Variants in CCDC66 observed in about 807,000 individuals in gnomAD.
CCDC66 encodes the protein coiled-coil domain containing 66.
A neutral mutation model predicts 128.3 loss-of-function variants in CCDC66; 133 were observed. That is an observed-to-expected ratio of 1.04 (90% CI 0.90 to 1.20). The LOEUF (loss-of-function observed/expected upper bound fraction) is 1.20, where lower values mean the gene tolerates loss of function less well. CCDC66 is among the 50% of genes most tolerant of loss of function. CCDC66 has a pLI of 0.00. For synonymous variants in CCDC66, 387 were observed against 357.0 expected (o/e 1.08, Z -0.95); for missense variants, 1,126 against 1,075.5 (o/e 1.05, Z -0.66).
In CCDC66 at chr3:56,615,299, A is replaced by T. The variant is rs1316974221; in HGVS notation, c.1711+27A>T. The T allele has an allele frequency of 2.6e-6, 4 of 1,555,070 alleles. No homozygotes were observed. In the African/African-American group the frequency reaches 5.5e-5, roughly 21 times the overall value. ...TAAGGGCCTAACCAGAACTTTATTT[A>T]TAATATTTTTAGAAGATGATTTTAA... On this transcript the variant is annotated intron_variant, in intron 12 of 17. Transcript: ENST00000394672.
intron 10 of CCDC66, among the ~76,000 whole-genome samples, chr3:56,604,809 T>G (rs1333930365): frequency 2.0e-5 from 3 of 152,072 alleles, no homozygotes; most frequent in African/African-American, 4.8e-5. Flanking sequence ...AATTTGAATG[T>G]TGGCCTGTCT....
intron 7 of CCDC66, among the ~76,000 whole-genome samples, chr3:56,574,453 G>A (rs955551129): frequency 1.3e-5 from 2 of 151,548 alleles, no homozygotes; most frequent in Non-Finnish European, 2.9e-5. Context: ...AATTTGCTGT[G>A]TAACAAAAAA....
intron 10 of CCDC66, among the ~76,000 whole-genome samples, chr3:56,602,979 C>A (rs1010569871): frequency 2.0e-4 from 31 of 151,514 alleles, no homozygotes; most frequent in Non-Finnish European, 3.8e-4. Context: ...GGACTACAGG[C>A]GCCCACCATC....
rs1160065594 is a variant in CCDC66, at chr3:56,619,420, C to T, written c.2528C>T (p.Ser843Leu). The change falls in exon 16 of 18, where the codon TCA (serine) becomes TTA (leucine). Residue 843 changes from serine to leucine, a missense_variant. Ser to Leu is a moderately radical substitution (Grantham distance 145, BLOSUM62 -2). Transcript: ENST00000394672. ...GAATTATCATCTGGGATTTCTGAAT[C>T]ATCCCATTTTATTCCGTATGTTCGA... ...QTELSSGISESSHFIPYVRTN... is the reference protein window; with the variant it reads ...QTELSSGISELSHFIPYVRTN... The T allele has an allele frequency of 1.2e-6, 2 of 1,613,796 alleles. No individual in the cohort carries two copies. Among genetic ancestry groups the T allele is most frequent in the East Asian group, 4.5e-5 (2 of 44,874 alleles).
chr3:56,566,058 G>C (rs530252040), intron 4 of CCDC66, among the ~76,000 whole-genome samples: 3 of 152,104 alleles, frequency 2.0e-5, no homozygotes, highest in African/African-American at 4.8e-5. Flanking sequence ...ATAAGAAATT[G>C]TATGGCTATG....
chr3:56,569,417 C>A, intron 6 of CCDC66: 1 of 252,644 alleles, frequency 4.0e-6, no homozygotes, highest in Non-Finnish European at 8.5e-6. Context: ...AGGCATTTTA[C>A]ATGGCAAGAG....
At chr3:56,615,800 G>A (rs920290795) in intron 12 of CCDC66, 122 bp from the exon 13 acceptor site, 2 of 763,806 alleles carry the variant, frequency 2.6e-6, no homozygotes, top group Non-Finnish European at 3.8e-6. Context: ...CTTTTTGTAA[G>A]AAAATTTTTA....
chr3:56,597,777 G>GTTTTTTTT lies in CCDC66; in HGVS notation c.1404+3757_1404+3764dup, dbSNP rs3064563. 4.8e-4 allele frequency among the ~76,000 whole-genome samples: 42 copies of GTTTTTTTT among 87,946 alleles called. 4 individuals carry two copies. The highest frequency in any genetic ancestry group is 8.6e-4 in the East Asian group (2 of 2,330). 57.7% of individuals were successfully genotyped at this position (87,946 alleles called of 152,430 possible). A position where few individuals can be genotyped will look rare whatever the true frequency, so the allele number is the denominator to read the frequency against. On this transcript the variant is annotated intron_variant, in intron 10 of 17. Transcript: ENST00000394672. ...TGTGGAGTCTAGGTTTTGTTTTGGG[G>GTTTTTTTT]TTTTTTTTTTTTTTTGAGACAGAGC...
chr3:56,592,955 A>G lies in CCDC66; in HGVS notation c.937-15A>G, dbSNP rs1249930663. The G allele has an allele frequency of 8.1e-6, 13 of 1,600,538 alleles. No homozygotes were observed. Among genetic ancestry groups the G allele is most frequent in the East Asian group, 2.2e-5 (1 of 44,562 alleles). On this transcript the variant is annotated splice_polypyrimidine_tract_variant and intron_variant, in intron 7 of 17. Coordinates refer to ENST00000394672, the MANE Select transcript of CCDC66 (RefSeq NM_001141947.3). Reference sequence around the variant, plus strand: ...GAGAACTGAACTTTAGATGGCTTTTATGGCTGTTGTTTAGGAAACAGTACT... The same window carrying G: ...GAGAACTGAACTTTAGATGGCTTTTGTGGCTGTTGTTTAGGAAACAGTACT...
Position 56,564,056 on chromosome 3 carries a change from C to T in CCDC66, c.475C>T (p.Gln159Ter), listed in dbSNP as rs773726330. The change falls in exon 4 of 18, where the codon CAG (glutamine) becomes TAG (stop). Residue 159 changes from glutamine to a stop codon, truncating the protein, a stop_gained. Transcript: ENST00000394672. LOFTEE classifies it high-confidence loss of function. ...LVCLTQDQLQ[Q>*]ILMTVNQGNR... ...GTGTCTAACACAAGACCAACTACAA[C>T]AGATTTTGATGACTGTAAACCAAGG... The T allele has an allele frequency of 1.5e-5, 24 of 1,613,850 alleles. No individual in the cohort carries two copies. The highest frequency in any genetic ancestry group is 7.6e-6 in the Non-Finnish European group (9 of 1,179,944).
At chr3:56,600,260 T>C (rs1235066237) in intron 10 of CCDC66, among the ~76,000 whole-genome samples, 1 of 151,246 alleles carries the variant, frequency 6.6e-6, no homozygotes, top group African/African-American at 2.4e-5. Context: ...GTGATTCTCC[T>C]GCCCCACCCT....
At position 56,618,155 on chromosome 3, in the gene CCDC66, A is replaced by G; in HGVS notation, c.2338-17A>G. 1 of 1,598,122 alleles carries G rather than the reference A, an allele frequency of 6.3e-7. No homozygotes were observed. Among genetic ancestry groups the G allele is most frequent in the Non-Finnish European group, 8.6e-7 (1 of 1,165,862 alleles). ...ATGCTATATATTCCTTTCTGCATTT[A>G]TCTATCCATATTTTAGGAAGAAGAG... On this transcript the variant is annotated splice_polypyrimidine_tract_variant and intron_variant, in intron 14 of 17. Coordinates refer to ENST00000394672, the MANE Select transcript of CCDC66 (RefSeq NM_001141947.3).
intron 7 of CCDC66, among the ~76,000 whole-genome samples, chr3:56,575,782 A>G (rs182866682): frequency 1.2e-4 from 18 of 151,862 alleles, no homozygotes; most frequent in African/African-American, 4.3e-4. Flanking sequence ...GCCCTACTTT[A>G]TTCTTTTGCA....
In CCDC66 at chr3:56,568,349, G is replaced by T. The variant is rs537854943; in HGVS notation, c.814+1296G>T. ...TTCAAGGATAGTCTTCCCACTTCAG[G>T]GTGCCAAAATGCACAGATGCTCATG... On this transcript the variant is annotated intron_variant, in intron 6 of 17. Transcript: ENST00000394672. Among the ~76,000 whole-genome samples the T allele has an allele frequency of 3.3e-5, 5 of 152,166 alleles. No individual in the cohort carries two copies. The East Asian group carries it at 7.7e-4, about 24-fold the overall frequency.
intron 3 of CCDC66, among the ~76,000 whole-genome samples, chr3:56,563,086 C>T (rs1015753158): frequency 2.6e-5 from 4 of 151,838 alleles, no homozygotes; most frequent in Non-Finnish European, 5.9e-5. Flanking sequence ...AATGGCTGGG[C>T]TTGGTGGCTC....
In CCDC66 at chr3:56,584,915, C is replaced by T. The variant is rs186815669; in HGVS notation, c.937-8055C>T. On this transcript the variant is annotated intron_variant, in intron 7 of 17. Transcript: ENST00000394672. ...GACCAGCCCGGCCAGCATAGCGAAA[C>T]CCCGTCTCCACCAAAAAAATATGAA... 2.9e-3 allele frequency among the ~76,000 whole-genome samples: 444 copies of T among 152,072 alleles called. 2 individuals are homozygous for T. The highest frequency in any genetic ancestry group is 0.01 in the African/African-American group (424 of 41,576).
intron 6 of CCDC66, among the ~76,000 whole-genome samples, chr3:56,567,382 C>T (rs1303890806): frequency 6.6e-6 from 1 of 151,964 alleles, no homozygotes; most frequent in Non-Finnish European, 1.5e-5. Flanking sequence ...GAGCAAGACT[C>T]CATCTCAAAT....
In CCDC66 at chr3:56,559,511, A is replaced by T. The variant is rs1162362347; in HGVS notation, c.77-58A>T. 8 of 1,164,958 alleles carry T rather than the reference A, an allele frequency of 6.9e-6. No individual in the cohort carries two copies. In the Admixed American group the frequency reaches 8.2e-5, roughly 12 times the overall value. 72.2% of individuals were successfully genotyped at this position (1,164,958 alleles called of 1,614,324 possible). On this transcript the variant is annotated intron_variant, in intron 2 of 17. Coordinates refer to ENST00000394672, the MANE Select transcript of CCDC66 (RefSeq NM_001141947.3). ...ACAATATTAATTACAGTTTTCTTGC[A>T]TTACCACCTTAGTATGCTTTTGGTG... is the stretch of plus-strand genomic sequence containing the variant.
At chr3:56,619,696 C>G (rs1215832139) in intron 16 of CCDC66, 81 bp from the exon 17 acceptor site, 1 of 1,528,282 alleles carries the variant, frequency 6.5e-7, no homozygotes, top group Non-Finnish European at 8.8e-7. Context: ...ATTATAATGA[C>G]TCCTGACAAT....
Sources: allele counts gnomAD v4.1 joint callset (sites outside exome capture counted in the v4.1 genomes callset), GRCh38; gene constraint gnomAD v4.1.1; transcripts MANE v1.5; gene names NCBI Gene and HGNC (gene_info 2026-07-23, HGNC 2026-07-21).